Variants in DCC observed in about 807,000 individuals in gnomAD.
DCC encodes the protein netrin receptor DCC.
A neutral mutation model predicts 172.5 loss-of-function variants in DCC; 58 were observed. The ratio of observed to expected loss-of-function variants is 0.34; its 90% CI spans 0.27 to 0.42. The LOEUF is 0.42. Ranked by LOEUF, DCC falls within the 10% of genes least tolerant of loss-of-function variation. The pLI, the probability that DCC is intolerant of heterozygous loss-of-function variation, is 1.00. For synonymous variants in DCC, 709 were observed against 644.5 expected (o/e 1.10, Z -1.52); for missense variants, 1,740 against 1,791.0 (o/e 0.97, Z 0.51).
chr18:52,787,394 G>A (rs1428948585), intron 2 of DCC, among the ~76,000 whole-genome samples: 1 of 152,022 alleles, frequency 6.6e-6, no homozygotes, highest in African/African-American at 2.4e-5. Context: ...GTCTGCAAAT[G>A]GTGACAAAGT....
At chr18:53,337,892 C>T (rs1026995241) in intron 14 of DCC, among the ~76,000 whole-genome samples, 1 of 152,166 alleles carries the variant, frequency 6.6e-6, no homozygotes, top group Non-Finnish European at 1.5e-5. Flanking sequence ...GATTTCCTTG[C>T]ATAATTTGGC....
chr18:52,686,284 T>C (rs941774712), intron 1 of DCC, among the ~76,000 whole-genome samples: 1 of 152,142 alleles, frequency 6.6e-6, no homozygotes, highest in Non-Finnish European at 1.5e-5. Context: ...CTACACGTAA[T>C]AGGGCATTTT....
chr18:52,564,966 T>C (rs2033126507), intron 1 of DCC, among the ~76,000 whole-genome samples: 1 of 152,050 alleles, frequency 6.6e-6, no homozygotes, highest in Non-Finnish European at 1.5e-5. Flanking sequence ...CTCACACTGC[T>C]TGCGAAAGGG....
intron 27 of DCC, among the ~76,000 whole-genome samples, chr18:53,523,834 A>G (rs1176095795): frequency 6.6e-6 from 1 of 152,098 alleles, no homozygotes; most frequent in East Asian, 1.9e-4. Context: ...GCAAACCACC[A>G]TGGCACATGT....
At chr18:52,947,466 G>A (rs1395964811) in intron 5 of DCC, among the ~76,000 whole-genome samples, 1 of 152,130 alleles carries the variant, frequency 6.6e-6, no homozygotes, top group Non-Finnish European at 1.5e-5. Context: ...AGGGGTAGTA[G>A]GAGAGCTGAT....
rs575640799 is a variant in DCC at position 52,977,656 on chromosome 18, C to T, written c.985+52286C>T. On this transcript the variant is annotated intron_variant, in intron 5 of 28. Transcript: ENST00000442544. ...GTCCCAGCACTTTGGGAGGCCGAGG[C>T]GGGTGGATCATGAGGTCAGGAGATT... is the stretch of plus-strand genomic sequence containing the variant. Among the ~76,000 whole-genome samples, 23 of 151,998 alleles carry T rather than the reference C, an allele frequency of 1.5e-4. No homozygotes were observed. In the East Asian group the frequency reaches 1.9e-3, roughly 13 times the overall value.
At chr18:52,874,097 T>C (rs1431774282) in intron 2 of DCC, among the ~76,000 whole-genome samples, 2 of 152,168 alleles carry the variant, frequency 1.3e-5, no homozygotes, top group Non-Finnish European at 2.9e-5. Flanking sequence ...AGAGATGAAG[T>C]TAAATTCCTT....
chr18:53,055,268 T>C (rs2042388351), intron 5 of DCC, among the ~76,000 whole-genome samples: 1 of 152,188 alleles, frequency 6.6e-6, no homozygotes, highest in African/African-American at 2.4e-5. Context: ...TGCTTTTCTG[T>C]CATGTGGTTT....
chr18:53,065,961 C>A, intron 6 of DCC, 85 bp from the exon 7 acceptor site: 1 of 1,523,416 alleles, frequency 6.6e-7, no homozygotes, highest in Non-Finnish European at 9.1e-7. Flanking sequence ...GCTGTTTTAT[C>A]AAACTTTGGT....
At chr18:53,371,106 T>C (rs1568088114) in intron 15 of DCC, among the ~76,000 whole-genome samples, 1 of 150,170 alleles carries the variant, frequency 6.7e-6, no homozygotes, top group Non-Finnish European at 1.5e-5. Flanking sequence ...GTGGATTTGG[T>C]TTAATACAAC....
intron 13 of DCC, among the ~76,000 whole-genome samples, chr18:53,316,458 A>C (rs1483925797): frequency 6.8e-6 from 1 of 148,044 alleles, no homozygotes; most frequent in Non-Finnish European, 1.5e-5. Flanking sequence ...AACCATATGA[A>C]ATTTAAAGAA....
chr18:52,410,537 A>G (rs897941927), intron 1 of DCC, among the ~76,000 whole-genome samples: 4 of 152,192 alleles, frequency 2.6e-5, no homozygotes, highest in Admixed American at 6.5e-5. Context: ...GGCACCATGT[A>G]GGGTGGTTGC....
At chr18:53,022,467 A>G (rs900706384) in intron 5 of DCC, among the ~76,000 whole-genome samples, 9 of 152,046 alleles carry the variant, frequency 5.9e-5, no homozygotes, top group Non-Finnish European at 1.0e-4. Context: ...ATAGCACTTA[A>G]TAAGTCTTAA....
intron 1 of DCC, among the ~76,000 whole-genome samples, chr18:52,634,983 C>G (rs916268987): frequency 2.0e-5 from 3 of 152,144 alleles, no homozygotes; most frequent in Non-Finnish European, 4.4e-5. Flanking sequence ...TATCACTCTT[C>G]TATTCTTATA....
intron 12 of DCC, among the ~76,000 whole-genome samples, chr18:53,253,266 A>T (rs988673445): frequency 2.6e-5 from 4 of 151,984 alleles, no homozygotes; most frequent in Admixed American, 6.6e-5. Flanking sequence ...ACTAATGGTG[A>T]ATATTTATTA....
rs1014246466 is a variant in DCC, at chr18:53,490,255, T to G, written c.3898+3297T>G. 6.6e-5 allele frequency among the ~76,000 whole-genome samples: 10 copies of G among 152,166 alleles called. 1 individual carries two copies. Among genetic ancestry groups the G allele is most frequent in the Non-Finnish European group, 1.0e-4 (7 of 68,032 alleles). On this transcript the variant is annotated intron_variant, in intron 26 of 28. Transcript: ENST00000442544. ...TACAGGCTGTAAGAAACTGGGGTTA[T>G]GTAAAAATATTGTGTTACGTCGTTC...
intron 1 of DCC, among the ~76,000 whole-genome samples, chr18:52,588,513 A>T (rs2033726860): frequency 6.6e-6 from 1 of 152,184 alleles, no homozygotes; most frequent in South Asian, 2.1e-4. Flanking sequence ...CTACTCTCAC[A>T]TTTCTTATAG....
chr18:52,355,350 C>A (rs959994287), intron 1 of DCC, among the ~76,000 whole-genome samples: 2 of 152,112 alleles, frequency 1.3e-5, no homozygotes, highest in African/African-American at 4.8e-5. Flanking sequence ...GCTAGGTGAG[C>A]CTCTAAATCA....
chr18:53,231,814 C>A (rs2056125246), intron 12 of DCC, among the ~76,000 whole-genome samples: 1 of 152,004 alleles, frequency 6.6e-6, no homozygotes, highest in Non-Finnish European at 1.5e-5. Flanking sequence ...ATCGCATGCA[C>A]AACAGAAAAA....
Sources: allele counts gnomAD v4.1 joint callset (sites outside exome capture counted in the v4.1 genomes callset), GRCh38; gene constraint gnomAD v4.1.1; transcripts MANE v1.5; gene names NCBI Gene and HGNC (gene_info 2026-07-23, HGNC 2026-07-21).